Variants in FGF14 observed in about 807,000 individuals in gnomAD.
FGF14 encodes fibroblast growth factor 14, also known as fibroblast growth factor homologous factor 4.
FGF14 carries 5 observed loss-of-function variants against 25.5 expected under a neutral mutation model. That is an observed-to-expected ratio of 0.20 (90% CI 0.10 to 0.41). The LOEUF (loss-of-function observed/expected upper bound fraction) is 0.41. FGF14 is among the 10% of genes least tolerant of loss of function. The pLI is 1.00. For synonymous variants in FGF14, 138 were observed against 118.3 expected (o/e 1.17, Z -1.08); for missense variants, 222 against 320.1 (o/e 0.69, Z 2.34).
At chr13:101,835,880 C>T (rs772736066) in intron 3 of FGF14, among the ~76,000 whole-genome samples, 4 of 151,942 alleles carry the variant, frequency 2.6e-5, no homozygotes, top group Non-Finnish European at 5.9e-5. Context: ...ACAGCCACAG[C>T]AATGGGGTCT....
At chr13:101,984,354 TA>T (rs1255006818) in intron 1 of FGF14, among the ~76,000 whole-genome samples, 3 of 152,200 alleles carry the variant, frequency 2.0e-5, no homozygotes, top group African/African-American at 7.2e-5. Context: ...CCATCAATTG[TA>T]ACCACGAACA....
intron 1 of FGF14, among the ~76,000 whole-genome samples, chr13:102,297,445 A>C (rs2054778575): frequency 6.6e-6 from 1 of 152,146 alleles, no homozygotes; most frequent in Non-Finnish European, 1.5e-5. Context: ...ATAATGTATC[A>C]ATATTGATTC....
At chr13:102,253,591 A>C (rs1268460898) in intron 1 of FGF14, among the ~76,000 whole-genome samples, 2 of 152,190 alleles carry the variant, frequency 1.3e-5, no homozygotes, top group African/African-American at 2.4e-5. Context: ...GATAGATTGC[A>C]AAAATTTCCC....
At chr13:102,241,698 A>G (rs1566853662) in intron 1 of FGF14, among the ~76,000 whole-genome samples, 1 of 152,266 alleles carries the variant, frequency 6.6e-6, no homozygotes, top group Middle Eastern at 3.4e-3. Context: ...CAGCCAGCCT[A>G]TCCTTCCATT....
intron 1 of FGF14, among the ~76,000 whole-genome samples, chr13:102,351,874 A>G (rs1412355758): frequency 1.3e-5 from 2 of 152,110 alleles, no homozygotes; most frequent in East Asian, 1.9e-4. Flanking sequence ...TTTTTTTTCT[A>G]TTCGTTAGAA....
intron 1 of FGF14, among the ~76,000 whole-genome samples, chr13:102,201,937 C>T (rs138120304): frequency 6.0e-4 from 91 of 152,236 alleles, no homozygotes; most frequent in African/African-American, 2.0e-3. Context: ...GATGTGGGGC[C>T]TGGTGGGAGG....
At chr13:101,774,102 T>C (rs1249675226) in intron 3 of FGF14, among the ~76,000 whole-genome samples, 1 of 152,088 alleles carries the variant, frequency 6.6e-6, no homozygotes, top group Non-Finnish European at 1.5e-5. Context: ...AAGCAATTGC[T>C]ACTGTCATTG....
intron 1 of FGF14, among the ~76,000 whole-genome samples, chr13:101,978,793 A>G (rs546976342): frequency 6.6e-6 from 1 of 152,324 alleles, no homozygotes; most frequent in East Asian, 1.9e-4. Context: ...TTCCGGAAGC[A>G]TGACAGTACC....
intron 1 of FGF14, among the ~76,000 whole-genome samples, chr13:102,170,751 A>G (rs780782461): frequency 1.3e-5 from 2 of 152,206 alleles, no homozygotes; most frequent in Non-Finnish European, 2.9e-5. Context: ...AACCATGGAA[A>G]CCAAAGGTAA....
chr13:102,052,891 G>GTT (rs1228184214), intron 1 of FGF14, among the ~76,000 whole-genome samples: 1 of 152,130 alleles, frequency 6.6e-6, no homozygotes, highest in Non-Finnish European at 1.5e-5. Flanking sequence ...CTCTAATACT[G>GTT]TAATAGTGGT....
At chr13:102,130,312 A>G (rs2046139692) in intron 1 of FGF14, among the ~76,000 whole-genome samples, 1 of 152,170 alleles carries the variant, frequency 6.6e-6, no homozygotes, top group Non-Finnish European at 1.5e-5. Flanking sequence ...GCTCCAGGGA[A>G]GCTGGGTCTA....
intron 1 of FGF14, among the ~76,000 whole-genome samples, chr13:102,286,032 G>T (rs75823833): frequency 0.012 from 1,891 of 152,248 alleles, 38 homozygotes; most frequent in African/African-American, 0.042. Flanking sequence ...CAGAACCATT[G>T]GTCTGAGACT....
chr13:102,398,386 A>G (rs747860326), intron 1 of FGF14, among the ~76,000 whole-genome samples: 1 of 152,104 alleles, frequency 6.6e-6, no homozygotes, highest in Non-Finnish European at 1.5e-5. Flanking sequence ...AACCACCTAC[A>G]CTTGTTGACA....
At chr13:102,159,889 A>G (rs1024209137) in intron 1 of FGF14, among the ~76,000 whole-genome samples, 6 of 152,220 alleles carry the variant, frequency 3.9e-5, no homozygotes, top group African/African-American at 1.2e-4. Flanking sequence ...ATCTCATCTC[A>G]GTGAGGTATG....
intron 1 of FGF14, among the ~76,000 whole-genome samples, chr13:101,999,327 G>A (rs898641144): frequency 6.6e-6 from 1 of 152,196 alleles, no homozygotes; most frequent in Admixed American, 6.5e-5. Flanking sequence ...GTAGAGACTG[G>A]GTTAAAGACC....
At chr13:102,094,365 A>T (rs2044298148) in intron 1 of FGF14, among the ~76,000 whole-genome samples, 1 of 152,240 alleles carries the variant, frequency 6.6e-6, no homozygotes, top group African/African-American at 2.4e-5. Flanking sequence ...TTTTAAAAAT[A>T]TGAAGATAAC....
chr13:101,903,461 C>A (rs1355762431), intron 1 of FGF14, among the ~76,000 whole-genome samples: 1 of 151,982 alleles, frequency 6.6e-6, no homozygotes, highest in Non-Finnish European at 1.5e-5. Context: ...TAAGATAAAA[C>A]AAATAAAAGT....
chr13:102,296,418 G>A (rs2054715585), intron 1 of FGF14, among the ~76,000 whole-genome samples: 1 of 152,030 alleles, frequency 6.6e-6, no homozygotes, highest in Non-Finnish European at 1.5e-5. Context: ...GCATTTTTGG[G>A]GTGGTCTGCA....
At chr13:102,367,220 G>C (rs1047477900) in intron 1 of FGF14, 3 of 152,118 alleles carry the variant, frequency 2.0e-5, no homozygotes, top group Non-Finnish European at 1.5e-5. Flanking sequence ...TGTTGGCCTG[G>C]GCTCAGCCAT....
Sources: allele counts gnomAD v4.1 joint callset (sites outside exome capture counted in the v4.1 genomes callset), GRCh38; gene constraint gnomAD v4.1.1; transcripts MANE v1.5; gene names NCBI Gene and HGNC (gene_info 2026-07-23, HGNC 2026-07-21).